The following EFHB variants were observed in gnomAD, a reference collection of about 807,000 sequenced individuals.
EFHB encodes EF-hand domain-containing family member B.
EFHB carries 91 observed loss-of-function variants against 87.2 expected under a neutral mutation model. That is an observed-to-expected ratio of 1.04 (90% CI 0.88 to 1.24). The LOEUF (loss-of-function observed/expected upper bound fraction) is 1.24, where lower values mean the gene tolerates loss of function less well. Among genes scored for constraint, EFHB ranks in the 50% most tolerant of loss-of-function variants. EFHB has a pLI of 0.00. For synonymous variants in EFHB, 325 were observed against 333.6 expected, an observed-to-expected ratio of 0.97 and a Z score of 0.28; for missense variants, 1,084 against 998.8, an observed-to-expected ratio of 1.09 and a Z score of -1.15.
Position 19,920,124 on chromosome 3 carries a change from TA to T in EFHB, c.853-149del, listed in dbSNP as rs1695387407. 6.1e-6 allele frequency: 5 copies of T among 818,622 alleles called. No individual in the cohort carries two copies. In the Middle Eastern group the frequency reaches 1.1e-3, roughly 181 times the overall value. 50.7% of individuals were successfully genotyped at this position (818,622 alleles called of 1,614,324 possible). ...CAGCCCCAAATAATGAACATCCCCCTAAAATGTATTTATTTATTAATGAAAG... is the reference window on the plus strand; with the variant it reads ...CAGCCCCAAATAATGAACATCCCCCTAAATGTATTTATTTATTAATGAAAG... On this transcript the variant is annotated intron_variant, in intron 2 of 12. Coordinates refer to ENST00000295824, the MANE Select transcript of EFHB (RefSeq NM_144715.4).
intron 4 of EFHB, among the ~76,000 whole-genome samples, chr3:19,915,773 A>AG (rs1695209540): frequency 1.4e-5 from 2 of 145,304 alleles, no homozygotes. Context: ...AAAAAAAAAA[A>AG]TCCAGCCTGG....
At chr3:19,935,514 C>T (rs1695990897), upstream of EFHB, among the ~76,000 whole-genome samples, 1 of 151,876 alleles carries the variant, frequency 6.6e-6, no homozygotes. Context: ...GAGTTTGAGA[C>T]CAGCCTGGCC....
At chr3:19,893,284 G>A (rs1319100163) in intron 9 of EFHB, among the ~76,000 whole-genome samples, 1 of 152,190 alleles carries the variant, frequency 6.6e-6, no homozygotes, top group Admixed American at 6.5e-5. Context: ...GGAAAGGTCA[G>A]ATATAAGAGG....
intron 1 of EFHB, among the ~76,000 whole-genome samples, chr3:19,929,673 C>T (rs184853124): frequency 3.6e-4 from 49 of 136,652 alleles, no homozygotes; most frequent in African/African-American, 1.4e-3. Flanking sequence ...GGTGCCACTG[C>T]ACTCCAGCCT....
rs1173349628 is a variant in EFHB, at chr3:19,884,675, G to A, written c.1934-60C>T. Reference sequence around the variant, plus strand: ...AATACATTACTACTTAGTGCTTGCTGCTCTGTAACAGGATAAGTTTTCCCA... The same window carrying A: ...AATACATTACTACTTAGTGCTTGCTACTCTGTAACAGGATAAGTTTTCCCA... On this transcript the variant is annotated intron_variant, in intron 10 of 12. Coordinates refer to ENST00000295824, the MANE Select transcript of EFHB (RefSeq NM_144715.4). The A allele has an allele frequency of 1.5e-5, 23 of 1,502,272 alleles. No individual in the cohort carries two copies. In the East Asian group the frequency reaches 5.0e-4, roughly 32 times the overall value. 93.1% of individuals were successfully genotyped at this position (1,502,272 alleles called of 1,614,324 possible).
At chr3:19,913,259 T>TA (rs1310435536) in intron 5 of EFHB, among the ~76,000 whole-genome samples, 1 of 152,124 alleles carries the variant, frequency 6.6e-6, no homozygotes, top group Non-Finnish European at 1.5e-5. Flanking sequence ...GAGGCCAAAT[T>TA]ACCCTTATTT....
intron 4 of EFHB, 50 bp downstream of exon 4, chr3:19,918,182 G>A (rs1399005912): frequency 2.1e-6 from 3 of 1,452,724 alleles, no homozygotes; most frequent in Middle Eastern, 1.8e-4. Context: ...ATTTTCCAAA[G>A]AGACTTATTT....
chr3:19,920,776 A>G (rs1040064116), intron 1 of EFHB, among the ~76,000 whole-genome samples: 3 of 152,236 alleles, frequency 2.0e-5, no homozygotes, highest in African/African-American at 7.2e-5. Flanking sequence ...CATTTATAAA[A>G]TTGTAAGCAT....
intron 5 of EFHB, among the ~76,000 whole-genome samples, chr3:19,911,303 T>A (rs968756476): frequency 7.2e-5 from 11 of 152,156 alleles, no homozygotes; most frequent in African/African-American, 2.7e-4. Flanking sequence ...AGCTCACACC[T>A]GTAATCTGAG....
At chr3:19,928,124 A>G (rs1448818783) in intron 1 of EFHB, among the ~76,000 whole-genome samples, 1 of 151,928 alleles carries the variant, frequency 6.6e-6, no homozygotes, top group African/African-American at 2.4e-5. Flanking sequence ...GAGAACCACA[A>G]ATACAAAAAT....
At chr3:19,901,314 A>G (rs1694662262) in intron 6 of EFHB, among the ~76,000 whole-genome samples, 1 of 152,266 alleles carries the variant, frequency 6.6e-6, no homozygotes, top group African/African-American at 2.4e-5. Context: ...TTAAATGAAT[A>G]AAATTTCTTT....
At chr3:19,909,737 G>A (rs967359918) in intron 5 of EFHB, among the ~76,000 whole-genome samples, 1 of 152,062 alleles carries the variant, frequency 6.6e-6, no homozygotes, top group African/African-American at 2.4e-5. Flanking sequence ...TTGCATCTAG[G>A]ACACCACCTC....
At chr3:19,931,426 A>T (rs1387152726) in intron 1 of EFHB, among the ~76,000 whole-genome samples, 1 of 152,196 alleles carries the variant, frequency 6.6e-6, no homozygotes, top group Non-Finnish European at 1.5e-5. Context: ...AGAAGCTGTA[A>T]ATTGCAGAAC....
chr3:19,911,695 G>C (rs2125143116), intron 5 of EFHB, among the ~76,000 whole-genome samples: 1 of 152,134 alleles, frequency 6.6e-6, no homozygotes. Context: ...AGAAGAAAGA[G>C]TTAATGAGCT....
At chr3:19,922,440 T>A (rs569142956) in intron 1 of EFHB, among the ~76,000 whole-genome samples, 4 of 152,220 alleles carry the variant, frequency 2.6e-5, no homozygotes, top group Admixed American at 1.3e-4. Context: ...AAACTGTGGA[T>A]GTGTTTTTGC....
At chr3:19,938,359 C>T (rs555299112), upstream of EFHB, among the ~76,000 whole-genome samples, 62 of 152,230 alleles carry the variant, frequency 4.1e-4, no homozygotes, top group African/African-American at 1.5e-3. Context: ...TAAAAAGGTT[C>T]ACATATTGAA....
Position 19,907,174 on chromosome 3 carries a change from A to T in EFHB, c.1289-1425T>A, listed in dbSNP as rs548809212. Among the ~76,000 whole-genome samples, 6 of 152,302 alleles carry T rather than the reference A, an allele frequency of 3.9e-5. No homozygotes were observed. The East Asian group carries it at 1.2e-3, about 29-fold the overall frequency. ...ACAAAAGCTCAGACTACAAAAGCAA[A>T]AATAAATAAATGAGACTACATCAAA... On this transcript the variant is annotated intron_variant, in intron 5 of 12. Transcript: ENST00000295824.
chr3:19,936,046 A>G, upstream of EFHB: 3 of 1,222,216 alleles, frequency 2.5e-6, no homozygotes, highest in Non-Finnish European at 2.1e-6. Context: ...CAGAATTTGA[A>G]AAGAATTTAC....
intron 6 of EFHB, among the ~76,000 whole-genome samples, chr3:19,902,607 C>G (rs1436086279): frequency 6.6e-6 from 1 of 152,040 alleles, no homozygotes; most frequent in Non-Finnish European, 1.5e-5. Context: ...CTGCCTCAGC[C>G]TCCCAAAGTG....
Sources: allele counts gnomAD v4.1 joint callset (sites outside exome capture counted in the v4.1 genomes callset), GRCh38; gene constraint gnomAD v4.1.1; transcripts MANE v1.5; gene names NCBI Gene and HGNC (gene_info 2026-07-23, HGNC 2026-07-21).